VASP: variants seen among roughly 807,000 people sequenced by gnomAD.
The protein encoded by VASP is vasodilator stimulated phosphoprotein, also known as vasodilator-stimulated phosphoprotein.
VASP carries 27 observed loss-of-function variants against 54.4 expected under a neutral mutation model. That is an observed-to-expected ratio of 0.50 (90% CI 0.37 to 0.68). VASP has a LOEUF of 0.68. Ranked by LOEUF, VASP falls within the 30% of genes least tolerant of loss-of-function variation. The pLI, the probability that VASP is intolerant of heterozygous loss-of-function variation, is 0.00. For missense variants in VASP, 488 were observed against 528.3 expected (o/e 0.92, Z 0.75); for synonymous variants, 233 against 209.8 (o/e 1.11, Z -0.96).
In VASP at chr19:45,524,111, C is replaced by A. The variant is rs573511309; in HGVS notation, c.925C>A (p.Pro309Thr). ...CCTATCCCCAGAATCTGTGCGGAGA[C>A]CCTGGGAGAAGAACAGCACAACCTT... ...VPAQSESVRR[P>T]WEKNSTTLPR... Residue 309 changes from proline (P) to threonine (T), a missense_variant, in exon 10 of 13, where the codon CCC becomes ACC. Around this residue, in one of 4 missense-constraint regions of VASP, gnomAD observed 126 missense variants for 134.8 expected, o/e 0.94. Coordinates refer to ENST00000245932, the MANE Select transcript of VASP (RefSeq NM_003370.4). 1 of 1,613,910 alleles carries A rather than the reference C, an allele frequency of 6.2e-7. No individual in the cohort carries two copies. The highest frequency in any genetic ancestry group is 1.1e-5 in the South Asian group (1 of 91,068).
Position 45,517,981 on chromosome 19 carries a change from C to T in VASP, c.230C>T (p.Pro77Leu). Residue 77 changes from proline (P) to leucine (L), a missense_variant, in exon 3 of 13, where the codon CCC (proline) becomes CTC (leucine). This residue lies in a region of VASP where 127 missense variants were observed against 170.7 expected (regional missense o/e 0.74). Coordinates refer to ENST00000245932, the MANE Select transcript of VASP (RefSeq NM_003370.4). ...GGTGTCAAGTATAACCAGGCCACCC[C>T]CAACTTCCATCAGTGGCGCGACGCT... ...VRGVKYNQAT[P>L]NFHQWRDARQ... 1 of 1,614,020 alleles carries T rather than the reference C, an allele frequency of 6.2e-7. No individual in the cohort carries two copies. The highest frequency in any genetic ancestry group is 8.5e-7 in the Non-Finnish European group (1 of 1,179,980).
intron 7 of VASP, among the ~76,000 whole-genome samples, chr19:45,523,190 A>ATTTTTTTTTTTTTTTTTTTTTTTTTTT (rs61288703): frequency 2.7e-5 from 2 of 74,700 alleles, no homozygotes; most frequent in Non-Finnish European, 4.8e-5. Context: ...AATCTCTTGA[A>ATTTTTTTTTTTTTTTTTTTTTTTTTTT]TTTTTTTTTT....
At chr19:45,515,348 T>C (rs541644008) in intron 1 of VASP, among the ~76,000 whole-genome samples, 1 of 152,242 alleles carries the variant, frequency 6.6e-6, no homozygotes, top group East Asian at 1.9e-4. Flanking sequence ...CTTGGGCAAG[T>C]CACTTCCTGT....
At position 45,522,161 on chromosome 19, in the gene VASP, C is replaced by G. The variant is rs557415047; in HGVS notation, c.429-7C>G. The G allele has an allele frequency of 1.2e-5, 19 of 1,613,792 alleles. No homozygotes were observed. The highest frequency in any genetic ancestry group is 1.1e-4 in the African/African-American group (8 of 75,054). Reference sequence around the variant, plus strand: ...ATTGACGGCAGCTCTCTCGCCTCCCCCCACAGGCAGCAGCCCGGCCCGTCG... The same window carrying G: ...ATTGACGGCAGCTCTCTCGCCTCCCGCCACAGGCAGCAGCCCGGCCCGTCG... On this transcript the variant is annotated splice_region_variant and splice_polypyrimidine_tract_variant and intron_variant, in intron 4 of 12. Coordinates refer to ENST00000245932, the MANE Select transcript of VASP (RefSeq NM_003370.4).
chr19:45,518,558 C>T (rs1166469778), intron 3 of VASP, among the ~76,000 whole-genome samples: 1 of 152,092 alleles, frequency 6.6e-6, no homozygotes, highest in Non-Finnish European at 1.5e-5. Context: ...AAGATTCCGT[C>T]TCAGAAAGAA....
Position 45,524,119 on chromosome 19 carries a change from G to A in VASP, c.933G>A (p.Glu311=), listed in dbSNP as rs2122343985. The A allele has an allele frequency of 6.2e-7, 1 of 1,613,916 alleles. No individual in the cohort carries two copies. Among genetic ancestry groups the A allele is most frequent in the Non-Finnish European group, 8.5e-7 (1 of 1,180,016 alleles). The part of the protein sequence containing the change: ...AQSESVRRPW[E]KNSTTLPRMK... ...CAGAATCTGTGCGGAGACCCTGGGA[G>A]AAGAACAGCACAACCTTGCCAAGGT... The change falls in exon 10 of 13, where the codon GAG becomes GAA. Residue 311 remains glutamate, a synonymous_variant. Coordinates refer to ENST00000245932, the MANE Select transcript of VASP (RefSeq NM_003370.4).
intron 11 of VASP, 138 bp from the exon 12 acceptor site, chr19:45,525,808 G>T: frequency 2.6e-6 from 2 of 778,206 alleles, no homozygotes; most frequent in East Asian, 2.8e-5. Flanking sequence ...AGTTGAGGCT[G>T]CAATGAGCTG....
At position 45,524,511 on chromosome 19, in the gene VASP, G is replaced by A. The variant is rs933823616; in HGVS notation, c.957-59G>A. On this transcript the variant is annotated intron_variant, in intron 10 of 12. Coordinates refer to ENST00000245932, the MANE Select transcript of VASP (RefSeq NM_003370.4). ...CAATGTGACCCCTGGAATAGGAGGC[G>A]GGGAAGCAGGTCCTCTCTCTAATCT... 33 of 1,521,564 alleles carry A rather than the reference G, an allele frequency of 2.2e-5. No individual in the cohort carries two copies. The East Asian group carries it at 4.7e-4, about 22-fold the overall frequency. The allele number at this position is 1,521,564 out of a possible 1,614,324, so 94.3% of individuals were successfully genotyped here. A position where few individuals can be genotyped will look rare whatever the true frequency, so the allele number is the denominator to read the frequency against.
chr19:45,516,730 G>GTAATCCCA (rs929505844), intron 1 of VASP, among the ~76,000 whole-genome samples: 1 of 151,958 alleles, frequency 6.6e-6, no homozygotes, highest in Non-Finnish European at 1.5e-5. Context: ...TGGGTGTGGT[G>GTAATCCCA]GCTCACCCCT....
intron 3 of VASP, among the ~76,000 whole-genome samples, 190 bp from the exon 4 acceptor site, chr19:45,521,132 G>A (rs1968821814): frequency 6.6e-6 from 1 of 152,350 alleles, no homozygotes; most frequent in Middle Eastern, 3.4e-3. Context: ...GGGCAACTCA[G>A]GCCAGGGAAG....
intron 10 of VASP, 47 bp from the exon 11 acceptor site, chr19:45,524,523 C>A: frequency 6.4e-7 from 1 of 1,568,292 alleles, no homozygotes; most frequent in Non-Finnish European, 8.8e-7. Flanking sequence ...GGAAGCAGGT[C>A]CTCTCTCTAA....
chr19:45,522,625 T>C, intron 6 of VASP, 44 bp downstream of exon 6: 5 of 1,525,886 alleles, frequency 3.3e-6, no homozygotes, highest in Non-Finnish European at 3.5e-6. Flanking sequence ...AGGGCTTTTA[T>C]GGGGGATGAG....
intron 7 of VASP, among the ~76,000 whole-genome samples, chr19:45,523,231 C>G (rs1968884533): frequency 1.1e-5 from 1 of 94,528 alleles, no homozygotes; most frequent in Admixed American, 1.8e-4. Context: ...GAGATGGAGT[C>G]TTGCTCTGTC....
intron 1 of VASP, among the ~76,000 whole-genome samples, chr19:45,508,485 G>T (rs977623978): frequency 6.6e-6 from 1 of 152,164 alleles, no homozygotes; most frequent in Non-Finnish European, 1.5e-5. Context: ...AGCAGAGGGC[G>T]GCTCCCCGCC....
chr19:45,525,915 C>A, intron 11 of VASP, 31 bp from the exon 12 acceptor site: 2 of 1,599,754 alleles, frequency 1.3e-6, no homozygotes, highest in Non-Finnish European at 1.7e-6. Context: ...CCGGTACCCC[C>A]TCCTGATTAG....
chr19:45,524,762 G>C, intron 11 of VASP, 102 bp downstream of exon 11: 1 of 1,198,604 alleles, frequency 8.3e-7, no homozygotes, highest in South Asian at 1.3e-5. Flanking sequence ...AGAAACCTCA[G>C]GTTTCCAATC....
intron 1 of VASP, among the ~76,000 whole-genome samples, chr19:45,513,243 TGTGAGGGAGTCTTGCTC>T (rs1210382499): frequency 9.3e-6 from 1 of 106,970 alleles, no homozygotes; most frequent in Non-Finnish European, 1.9e-5. Flanking sequence ...TGCCTTTTTT[TGTGAGGGAGTCTTGCTC>T]TGTGAGGGAG....
chr19:45,513,968 A>G (rs1376084245), intron 1 of VASP, among the ~76,000 whole-genome samples: 1 of 152,194 alleles, frequency 6.6e-6, no homozygotes, highest in East Asian at 1.9e-4. Context: ...CTGGGACACA[A>G]ATTTCTGCCT....
At chr19:45,508,609 G>T (rs1210581548) in intron 1 of VASP, among the ~76,000 whole-genome samples, 1 of 152,152 alleles carries the variant, frequency 6.6e-6, no homozygotes, top group Non-Finnish European at 1.5e-5. Context: ...CGAGACAGCT[G>T]GTGTGGGGGG....
Sources: allele counts gnomAD v4.1 joint callset (sites outside exome capture counted in the v4.1 genomes callset), GRCh38; gene constraint gnomAD v4.1.1; regional missense constraint gnomAD v4.1.1; transcripts MANE v1.5; gene names NCBI Gene and HGNC (gene_info 2026-07-23, HGNC 2026-07-21).